WIPF3: variants seen among roughly 807,000 people sequenced by gnomAD.
WIPF3 encodes the protein WAS/WASL-interacting protein family member 3.
WIPF3 carries 33 observed loss-of-function variants against 38.9 expected under a neutral mutation model. That is an observed-to-expected ratio of 0.85 (90% CI 0.64 to 1.14). WIPF3 has a LOEUF of 1.14. Among genes scored for constraint, WIPF3 ranks in the 50% most tolerant of loss-of-function variants. The probability of loss-of-function intolerance (pLI) is 0.00; values close to 1 mark genes in which losing one functional copy is unlikely to be tolerated. For synonymous variants in WIPF3, 324 were observed against 269.3 expected, an observed-to-expected ratio of 1.20 and a Z score of -1.99; for missense variants, 711 against 652.5, an observed-to-expected ratio of 1.09 and a Z score of -0.98.
At chr7:29,841,373 C>G (rs1045880426) in intron 2 of WIPF3, among the ~76,000 whole-genome samples, 1 of 152,134 alleles carries the variant, frequency 6.6e-6, no homozygotes, top group Non-Finnish European at 1.5e-5. Flanking sequence ...TTTTCAAGAG[C>G]GTGGAACAGA....
At chr7:29,810,506 A>G (rs1038114087) in intron 1 of WIPF3, among the ~76,000 whole-genome samples, 1 of 151,224 alleles carries the variant, frequency 6.6e-6, no homozygotes, top group Non-Finnish European at 1.5e-5. Flanking sequence ...GAATGAATGA[A>G]TATCTGGAAG....
chr7:29,872,589 C>A (rs1275288928), intron 2 of WIPF3, among the ~76,000 whole-genome samples: 1 of 151,656 alleles, frequency 6.6e-6, no homozygotes, highest in Non-Finnish European at 1.5e-5. Context: ...GTCAGGAGAT[C>A]GAGACCATCC....
chr7:29,892,975 G>A (rs1186902353), intron 7 of WIPF3, among the ~76,000 whole-genome samples: 1 of 152,194 alleles, frequency 6.6e-6, no homozygotes, highest in Non-Finnish European at 1.5e-5. Context: ...TGAGGCAGGA[G>A]GATTGCTTGA....
intron 7 of WIPF3, among the ~76,000 whole-genome samples, chr7:29,902,708 G>T (rs1786312013): frequency 6.6e-6 from 1 of 151,816 alleles, no homozygotes; most frequent in African/African-American, 2.4e-5. Context: ...AGGCATGGTG[G>T]CAAGCACCTG....
At chr7:29,913,515 A>G (rs527626147) in intron 8 of WIPF3, among the ~76,000 whole-genome samples, 101 of 152,310 alleles carry the variant, frequency 6.6e-4, no homozygotes, top group African/African-American at 2.3e-3. Flanking sequence ...CAATGATTAT[A>G]TTATTCCCGT....
Position 29,844,533 on chromosome 7 carries a change from C to T in WIPF3, c.90+9719C>T, listed in dbSNP as rs1309044033. Among the ~76,000 whole-genome samples the T allele has an allele frequency of 1.3e-5, 2 of 152,192 alleles. No homozygotes were observed. Among genetic ancestry groups the T allele is most frequent in the Non-Finnish European group, 2.9e-5 (2 of 68,030 alleles). ...GGCACAGAAAGTTTACTTACGTGCC[C>T]AGTGTCACACAGCCAGTCATGGGTA... On this transcript the variant is annotated intron_variant, in intron 2 of 8. Coordinates refer to ENST00000242140, the MANE Select transcript of WIPF3 (RefSeq NM_001080529.3). The surrounding 1 kb of genome is among the most constrained non-coding windows in gnomAD (Gnocchi z 4.8).
chr7:29,886,347 CTTTTTTTTTTTTTT>C lies in WIPF3; in HGVS notation c.1100-1707_1100-1694del, dbSNP rs11337399. ...TTATGATGTGATGAAAAAGACAAAG[CTTTTTTTTTTTTTT>C]TTTTTTTTTTTTTGAGACACAGTTT... On this transcript the variant is annotated intron_variant, in intron 5 of 8. Transcript: ENST00000242140. Among the ~76,000 whole-genome samples the C allele has an allele frequency of 3.9e-4, 18 of 46,578 alleles. No homozygotes were observed. The South Asian group carries it at 0.022, about 58-fold the overall frequency. 30.6% of individuals were successfully genotyped at this position (46,578 alleles called of 152,430 possible). A position where few individuals can be genotyped will look rare whatever the true frequency, so the allele number is the denominator to read the frequency against.
intron 2 of WIPF3, among the ~76,000 whole-genome samples, chr7:29,873,407 C>A (rs577919691): frequency 1.3e-5 from 2 of 152,206 alleles, no homozygotes; most frequent in African/African-American, 4.8e-5. Flanking sequence ...ATAATGCATA[C>A]CTGAAGTTGT....
chr7:29,904,643 C>A (rs1045930477), intron 8 of WIPF3: 1 of 367,834 alleles, frequency 2.7e-6, no homozygotes, highest in Non-Finnish European at 5.0e-6. Context: ...AATCACTTCC[C>A]ATTCTTCCTT....
At chr7:29,869,923 C>A (rs966818796) in intron 2 of WIPF3, among the ~76,000 whole-genome samples, 1 of 152,168 alleles carries the variant, frequency 6.6e-6, no homozygotes, top group African/African-American at 2.4e-5. Context: ...GAAATCTGGG[C>A]AAGCTCAGCA....
intron 1 of WIPF3, among the ~76,000 whole-genome samples, chr7:29,831,805 G>C (rs1010350697): frequency 6.6e-6 from 1 of 152,164 alleles, no homozygotes; most frequent in African/African-American, 2.4e-5. Context: ...GTGGGCAGAA[G>C]GTCTTTCTGA....
chr7:29,845,313 G>A (rs1784983034), intron 2 of WIPF3, among the ~76,000 whole-genome samples: 1 of 152,186 alleles, frequency 6.6e-6, no homozygotes, highest in South Asian at 2.1e-4. Flanking sequence ...TGAGGACAGT[G>A]GCTGCCCCTT....
At chr7:29,905,893 T>C (rs898434427) in intron 8 of WIPF3, 1 of 151,902 alleles carries the variant, frequency 6.6e-6, no homozygotes, top group Non-Finnish European at 1.5e-5. Context: ...CTACTACATA[T>C]ATGATGAAAA....
At chr7:29,808,749 A>G (rs1033359111) in intron 1 of WIPF3, among the ~76,000 whole-genome samples, 6 of 152,094 alleles carry the variant, frequency 3.9e-5, no homozygotes, top group Non-Finnish European at 8.8e-5. Context: ...TTATAAGAAC[A>G]GGGGAAAGCC....
At chr7:29,875,680 A>G in intron 2 of WIPF3, 150 bp from the exon 3 acceptor site, 3 of 1,043,330 alleles carry the variant, frequency 2.9e-6, no homozygotes, top group Non-Finnish European at 1.4e-6. Flanking sequence ...AGCAGGACCC[A>G]AAAGTGTCTC....
At chr7:29,814,285 C>G (rs1216213480) in intron 1 of WIPF3, among the ~76,000 whole-genome samples, 1 of 151,420 alleles carries the variant, frequency 6.6e-6, no homozygotes, top group African/African-American at 2.4e-5. Flanking sequence ...TCTTTTTTTC[C>G]CTTCCTTTTC....
At chr7:29,910,067 A>G (rs2128081845) in intron 8 of WIPF3, among the ~76,000 whole-genome samples, 1 of 152,268 alleles carries the variant, frequency 6.6e-6, no homozygotes, top group East Asian at 1.9e-4. Flanking sequence ...TGCAGTTTAA[A>G]ATAACTCAAA....
intron 2 of WIPF3, among the ~76,000 whole-genome samples, chr7:29,854,608 G>A (rs1052039330): frequency 1.3e-5 from 2 of 152,128 alleles, no homozygotes; most frequent in African/African-American, 4.8e-5. Context: ...GAAGTGACCT[G>A]GGCCAGGTCG....
At chr7:29,895,842 C>T (rs1786132419) in intron 7 of WIPF3, among the ~76,000 whole-genome samples, 1 of 152,174 alleles carries the variant, frequency 6.6e-6, no homozygotes, top group Non-Finnish European at 1.5e-5. Context: ...GACTCAGACA[C>T]CTCACACCAG....
Sources: gnomAD v4.1 joint callset for allele counts (sites outside exome capture counted in the v4.1 genomes callset) on GRCh38, gnomAD v4.1.1 for gene constraint, Gnocchi (gnomAD v3.1) non-coding constraint, MANE v1.5 for transcripts, NCBI Gene and HGNC (gene_info 2026-07-23, HGNC 2026-07-21) for gene names.